Variants in STOX2 observed in about 807,000 individuals in gnomAD.
The protein encoded by STOX2 is storkhead-box protein 2.
Under a neutral mutation model 60.9 loss-of-function variants are expected in STOX2, and 28 were observed. The ratio of observed to expected loss-of-function variants is 0.46; its 90% CI spans 0.34 to 0.63. STOX2 has a LOEUF of 0.63. Among genes scored for constraint, STOX2 ranks in the 30% least tolerant of loss-of-function variants. The pLI, the probability that STOX2 is intolerant of heterozygous loss-of-function variation, is 0.01. For missense variants in STOX2, 1,024 were observed against 1,187.7 expected (o/e 0.86, Z 2.03); for synonymous variants, 472 against 463.9 (o/e 1.02, Z -0.22).
chr4:183,874,953 ATATATATAT>A lies in STOX2; in HGVS notation c.364+76899_364+76907del, dbSNP rs1252391108. ...AAAAAAAAAAAAAAAAAAAAAAAAA[ATATATATAT>A]ATATATATATATATATATATATATA... On this transcript the variant is annotated intron_variant, in intron 1 of 2. Transcript: ENST00000513034. 3.0e-3 allele frequency among the ~76,000 whole-genome samples: 74 copies of A among 24,614 alleles called. 1 individual carries two copies. The highest frequency in any genetic ancestry group is 5.8e-3 in the African/African-American group (35 of 6,000). 16.1% of individuals were successfully genotyped at this position (24,614 alleles called of 152,430 possible).
chr4:183,885,111 C>G (rs1451172779), intron 1 of STOX2, among the ~76,000 whole-genome samples: 1 of 152,210 alleles, frequency 6.6e-6, no homozygotes, highest in African/African-American at 2.4e-5. Context: ...ATTGGGGCCA[C>G]AGACGCACCT....
chr4:183,807,099 A>C (rs2111096504), intron 1 of STOX2, among the ~76,000 whole-genome samples: 1 of 151,978 alleles, frequency 6.6e-6, no homozygotes, highest in South Asian at 2.1e-4. Context: ...CAGCCTCCCG[A>C]GTAGCTGGGA....
intron 1 of STOX2, among the ~76,000 whole-genome samples, chr4:183,900,161 A>G (rs1180582408): frequency 6.6e-6 from 1 of 152,194 alleles, no homozygotes; most frequent in African/African-American, 2.4e-5. Context: ...GATTTCTTTC[A>G]AAGTATTATT....
intron 1 of STOX2, among the ~76,000 whole-genome samples, chr4:183,886,986 C>T (rs114208449): frequency 0.011 from 1,693 of 152,238 alleles, 38 homozygotes; most frequent in African/African-American, 0.039. Flanking sequence ...TGGCTGGGCA[C>T]GGTGGCTCAT....
At chr4:183,963,646 G>C (rs923127369) in intron 1 of STOX2, among the ~76,000 whole-genome samples, 5 of 151,410 alleles carry the variant, frequency 3.3e-5, no homozygotes, top group African/African-American at 1.2e-4. Flanking sequence ...GGCTGGTTTC[G>C]AACTCCTGAC....
chr4:183,852,587 G>A (rs533025707), intron 1 of STOX2, among the ~76,000 whole-genome samples: 2 of 149,396 alleles, frequency 1.3e-5, no homozygotes, highest in Admixed American at 1.3e-4. Flanking sequence ...GGATGATGCT[G>A]CCTTATCATA....
intron 1 of STOX2, among the ~76,000 whole-genome samples, chr4:183,913,749 T>C (rs778723756): frequency 4.6e-5 from 7 of 151,818 alleles, no homozygotes; most frequent in Admixed American, 6.6e-5. Context: ...CCAGCCTGGG[T>C]GACAGAGCCA....
At chr4:183,893,717 C>T (rs892531362) in intron 1 of STOX2, among the ~76,000 whole-genome samples, 1 of 151,858 alleles carries the variant, frequency 6.6e-6, no homozygotes, top group Non-Finnish European at 1.5e-5. Context: ...TTCCTGTCTC[C>T]CCACTTAGAT....
chr4:183,874,948 AAAAAATATATATATATATATATATAT>A (rs1255259229), intron 1 of STOX2, among the ~76,000 whole-genome samples: 17 of 73,452 alleles, frequency 2.3e-4, no homozygotes, highest in Non-Finnish European at 3.7e-4. Context: ...AAAAAAAAAA[AAAAAATATATATATATATATATATAT>A]ATATATATAT....
rs190921486 is a variant in STOX2, at chr4:183,805,491, C to A, written c.364+7436C>A. On this transcript the variant is annotated intron_variant, in intron 1 of 2. Transcript: ENST00000513034. The stretch of plus-strand genomic sequence containing the variant: ...AGATCTGGATTTTTAAGAAGGCCTT[C>A]TGTCAAGAGCTTTTAATCCACTTGA... 2.3e-3 allele frequency among the ~76,000 whole-genome samples: 347 copies of A among 152,260 alleles called. 4 individuals carry two copies. The highest frequency in any genetic ancestry group is 0.016 in the Admixed American group (247 of 15,296).
At chr4:183,843,147 CAAA>C (rs60213127) in intron 1 of STOX2, among the ~76,000 whole-genome samples, 3 of 102,202 alleles carry the variant, frequency 2.9e-5, no homozygotes, top group Non-Finnish European at 2.0e-5. Context: ...GACTCCATCT[CAAA>C]AAAAAAAAAA....
intron 1 of STOX2, among the ~76,000 whole-genome samples, chr4:183,970,139 C>CGTGTGT (rs3042606): frequency 0.34 from 42,965 of 126,668 alleles, 7,908 homozygotes; most frequent in South Asian, 0.43. Flanking sequence ...ACTACATGTA[C>CGTGTGT]GTGTGTGTGT....
At chr4:183,918,802 G>A (rs576531233) in intron 1 of STOX2, among the ~76,000 whole-genome samples, 6 of 152,214 alleles carry the variant, frequency 3.9e-5, no homozygotes, top group Non-Finnish European at 5.9e-5. Flanking sequence ...ACGAGCAGAC[G>A]GTTTGGCAGC....
At chr4:183,996,728 T>A (rs1293234286) in intron 1 of STOX2, among the ~76,000 whole-genome samples, 1 of 152,170 alleles carries the variant, frequency 6.6e-6, no homozygotes, top group East Asian at 1.9e-4. Flanking sequence ...ATTATTCTTT[T>A]AAAAAATTTA....
intron 1 of STOX2, among the ~76,000 whole-genome samples, chr4:183,859,007 C>T (rs185633620): frequency 1.3e-5 from 2 of 152,270 alleles, no homozygotes; most frequent in Admixed American, 1.3e-4. Flanking sequence ...TGGCCCTCTG[C>T]CACCCGCCCC....
intron 1 of STOX2, among the ~76,000 whole-genome samples, chr4:183,829,556 T>C (rs1739518066): frequency 6.6e-6 from 1 of 152,214 alleles, no homozygotes; most frequent in Non-Finnish European, 1.5e-5. Flanking sequence ...CTCATGTCTT[T>C]GTATTAAACT....
chr4:183,886,396 A>C (rs574689432), intron 1 of STOX2, among the ~76,000 whole-genome samples: 1 of 152,332 alleles, frequency 6.6e-6, no homozygotes, highest in South Asian at 2.1e-4. Context: ...CTTGTACCTA[A>C]GAGATGATTT....
rs1274960555 is a variant in STOX2 at position 184,010,697 on chromosome 4, A to C, written c.1859A>C (p.Asn620Thr). 6.2e-7 allele frequency: 1 copy of C among 1,611,958 alleles called. No homozygotes were observed. The highest frequency in any genetic ancestry group is 1.7e-5 in the Admixed American group (1 of 59,720). ...VLTAPSPLGK[N>T]KEDHDTLTLA... is the part of the protein sequence containing the mutation. ...ACGGCACCATCACCTCTGGGAAAGA[A>C]TAAGGAGGACCATGACACTCTGACT... The change falls in exon 3 of 4, where the codon AAT (asparagine) becomes ACT (threonine). Residue 620 changes from asparagine (N) to threonine (T), a missense_variant. Transcript: ENST00000308497. This position sits in a 1 kb window ranked among gnomAD's most constrained non-coding sequence, Gnocchi z 4.5.
chr4:183,862,314 T>C (rs1279537612), intron 1 of STOX2, among the ~76,000 whole-genome samples: 2 of 152,186 alleles, frequency 1.3e-5, no homozygotes, highest in African/African-American at 2.4e-5. Flanking sequence ...TAGCTGGGAT[T>C]ACAGGCACAT....
Sources: allele counts gnomAD v4.1 joint callset (sites outside exome capture counted in the v4.1 genomes callset), GRCh38; gene constraint gnomAD v4.1.1; non-coding constraint Gnocchi (gnomAD v3.1); transcripts MANE v1.5; gene names NCBI Gene and HGNC (gene_info 2026-07-23, HGNC 2026-07-21).